ZNF713: variants seen among roughly 807,000 people sequenced by gnomAD.
The protein encoded by ZNF713 is zinc finger protein 713.
ZNF713 carries 21 observed loss-of-function variants against 28.7 expected under a neutral mutation model. The ratio of observed to expected loss-of-function variants is 0.73; its 90% confidence interval spans 0.52 to 1.05. The LOEUF (loss-of-function observed/expected upper bound fraction) is 1.05, where lower values mean the gene tolerates loss of function less well. ZNF713 is among the 50% of genes least tolerant of loss of function. The pLI is 0.00. For missense variants in ZNF713, 458 were observed against 532.4 expected, an observed-to-expected ratio of 0.86 and a Z score of 1.37; for synonymous variants, 167 against 178.0, an observed-to-expected ratio of 0.94 and a Z score of 0.49.
chr7:55,923,437 C>A, intron 5 of ZNF713, 149 bp downstream of exon 5: 2 of 1,162,536 alleles, frequency 1.7e-6, no homozygotes, highest in Non-Finnish European at 2.4e-6. Flanking sequence ...TTGTTTTCTG[C>A]TCTTTCTCCT....
At chr7:55,924,734 G>C (rs1042925770) in intron 6 of ZNF713, 1 of 152,152 alleles carries the variant, frequency 6.6e-6, no homozygotes, top group Non-Finnish European at 1.5e-5. Context: ...AATTAGCCAG[G>C]CATGCTGGCA....
At chr7:55,926,564 T>C (rs1001533878) in intron 6 of ZNF713, among the ~76,000 whole-genome samples, 2 of 152,224 alleles carry the variant, frequency 1.3e-5, no homozygotes, top group Non-Finnish European at 2.9e-5. Flanking sequence ...ATAGAGCTTA[T>C]GCAGTCTAAT....
At chr7:55,904,630 T>C (rs1454990726) in intron 1 of ZNF713, among the ~76,000 whole-genome samples, 2 of 151,900 alleles carry the variant, frequency 1.3e-5, no homozygotes, top group South Asian at 2.1e-4. Flanking sequence ...AGAGAAAGTA[T>C]TGACAATTTT....
intron 4 of ZNF713, among the ~76,000 whole-genome samples, chr7:55,917,692 G>A (rs1355651278): frequency 6.8e-6 from 1 of 146,826 alleles, no homozygotes; most frequent in African/African-American, 2.6e-5. Context: ...GTGACAGAGT[G>A]AGACCCTGTC....
In ZNF713 at chr7:55,888,868, C is replaced by G. The variant is rs573717958; in HGVS notation, c.-583+1188C>G. ...TTCGAGACCAGCCTGGGAAACATGG[C>G]AAGACCCTGTTGCTACAAAAAAAAC... is the stretch of plus-strand genomic sequence containing the variant. On this transcript the variant is annotated intron_variant, in intron 1 of 6. Coordinates refer to ENST00000429591, the MANE Select transcript of ZNF713 (RefSeq NM_182633.3). Among the ~76,000 whole-genome samples, 4 of 151,828 alleles carry G rather than the reference C, an allele frequency of 2.6e-5. No individual in the cohort carries two copies. The East Asian group carries it at 7.8e-4, about 30-fold the overall frequency.
At chr7:55,914,428 C>G (rs775541240) in intron 4 of ZNF713, among the ~76,000 whole-genome samples, 1 of 152,166 alleles carries the variant, frequency 6.6e-6, no homozygotes, top group Non-Finnish European at 1.5e-5. Context: ...CTCCTGGGCT[C>G]AAGCCATCCT....
At chr7:55,889,455 T>TA (rs200710195) in intron 1 of ZNF713, among the ~76,000 whole-genome samples, 15 of 151,978 alleles carry the variant, frequency 9.9e-5, no homozygotes, top group Admixed American at 5.3e-4. Context: ...CAGAAAAGTT[T>TA]AAAAAAAAAT....
intron 1 of ZNF713, among the ~76,000 whole-genome samples, chr7:55,892,327 A>AT: frequency 6.7e-6 from 1 of 149,012 alleles, no homozygotes; most frequent in South Asian, 2.1e-4. Flanking sequence ...CGTGTGAGAG[A>AT]TTTGTGTTCG....
rs942905940 is a variant in ZNF713 at position 55,940,433 on chromosome 7, C to A, written c.*427C>A. 2.6e-5 allele frequency: 26 copies of A among 987,892 alleles called. No homozygotes were observed. The South Asian group carries it at 4.7e-4, about 18-fold the overall frequency. The allele number at this position is 987,892 out of a possible 1,614,324, so 61.2% of individuals were successfully genotyped here. ...GCCACTGCGCCTGGCCATAAACTTT[C>A]AATGCGTAGAAACCAAATTAATTTA... On this transcript the variant is annotated 3_prime_UTR_variant, in exon 7 of 7. Transcript: ENST00000429591.
intron 1 of ZNF713, among the ~76,000 whole-genome samples, chr7:55,890,167 A>C (rs1348470744): frequency 6.6e-6 from 1 of 152,102 alleles, no homozygotes; most frequent in Non-Finnish European, 1.5e-5. Context: ...CTTTAATTAC[A>C]GGCCCGGCGC....
intron 2 of ZNF713, among the ~76,000 whole-genome samples, chr7:55,907,332 GT>G (rs1457901330): frequency 6.6e-6 from 1 of 152,156 alleles, no homozygotes; most frequent in Non-Finnish European, 1.5e-5. Flanking sequence ...CTGCCTTCCA[GT>G]TGTGCCTGCC....
chr7:55,939,667 A>G lies in ZNF713; in HGVS notation c.993A>G (p.Gln331=), dbSNP rs1584323284. The part of the protein sequence containing the change: ...KAFRQHSSFT[Q]HLRIHTGEKP... The stretch of plus-strand genomic sequence containing the variant: ...TCCGTCAGCATTCATCCTTTACTCA[A>G]CATCTGAGGATTCATACTGGAGAAA... The change falls in exon 7 of 7, where the codon CAA becomes CAG. Residue 331 remains glutamine, a synonymous_variant. Transcript: ENST00000429591. 2.5e-6 allele frequency: 4 copies of G among 1,614,232 alleles called. No homozygotes were observed. The highest frequency in any genetic ancestry group is 2.2e-5 in the East Asian group (1 of 44,882).
At chr7:55,895,192 C>G (rs1254981345) in intron 1 of ZNF713, among the ~76,000 whole-genome samples, 1 of 152,076 alleles carries the variant, frequency 6.6e-6, no homozygotes, top group Non-Finnish European at 1.5e-5. Context: ...AAAGTGAGAG[C>G]TGATGGTGGC....
In ZNF713 at chr7:55,939,149, A is replaced by G. The variant is rs760559979; in HGVS notation, c.475A>G (p.Asn159Asp). Residue 159 changes from asparagine to aspartate, a missense_variant, in exon 7 of 7, where the codon AAC becomes GAC. Physicochemically the swap from Asn to Asp is conservative, Grantham distance 23 (BLOSUM62 1). Coordinates refer to ENST00000429591, the MANE Select transcript of ZNF713 (RefSeq NM_182633.3). ...FDYHPEFNQE[N>D]HKRYLGQVTL... The stretch of plus-strand genomic sequence containing the variant: ...TTACCATCCAGAGTTTAACCAAGAA[A>G]ACCACAAGAGATATTTAGGACAAGT... The G allele has an allele frequency of 4.3e-6, 7 of 1,613,994 alleles. No homozygotes were observed. Among genetic ancestry groups the G allele is most frequent in the Non-Finnish European group, 5.1e-6 (6 of 1,180,016 alleles).
At chr7:55,928,299 C>G (rs1786141729) in intron 6 of ZNF713, among the ~76,000 whole-genome samples, 1 of 152,070 alleles carries the variant, frequency 6.6e-6, no homozygotes, top group Admixed American at 6.6e-5. Context: ...GTTTATAGGA[C>G]AGGGGTTGAG....
chr7:55,939,344 T>A lies in ZNF713; in HGVS notation c.670T>A (p.Tyr224Asn). The change falls in exon 7 of 7, where the codon TAC becomes AAC. Residue 224 changes from tyrosine (Y) to asparagine (N), a missense_variant. By Grantham distance (143) the Tyr-to-Asn change is moderately radical (BLOSUM62 -2). Coordinates refer to ENST00000429591, the MANE Select transcript of ZNF713 (RefSeq NM_182633.3). ...CATCAAACATAATTCAGACTTGATT[T>A]ACTATCAGGGAAATTATGTAAGAGA... ...NSIKHNSDLI[Y>N]YQGNYVRETP... 6.2e-7 allele frequency: 1 copy of A among 1,614,082 alleles called. No homozygotes were observed. The highest frequency in any genetic ancestry group is 8.5e-7 in the Non-Finnish European group (1 of 1,180,014).
intron 1 of ZNF713, among the ~76,000 whole-genome samples, chr7:55,899,932 C>T (rs1785542957): frequency 1.3e-5 from 2 of 151,824 alleles, no homozygotes; most frequent in South Asian, 2.1e-4. Context: ...ATAATAGAGA[C>T]AGGGCTTCAC....
At position 55,904,082 on chromosome 7, in the gene ZNF713, G is replaced by GCCAGACTGTATCTTTAAAAAAAAAAAA; in HGVS notation, c.-582-2171_-582-2170insCCAGACTGTATCTTTAAAAAAAAAAAA. Among the ~76,000 whole-genome samples the GCCAGACTGTATCTTTAAAAAAAAAAAA allele has an allele frequency of 9.6e-4, 121 of 126,680 alleles. 5 individuals are homozygous for GCCAGACTGTATCTTTAAAAAAAAAAAA. Among genetic ancestry groups the GCCAGACTGTATCTTTAAAAAAAAAAAA allele is most frequent in the South Asian group, 1.6e-3 (7 of 4,336 alleles). 83.1% of individuals were successfully genotyped at this position (126,680 alleles called of 152,430 possible). ...ATAAAAGGCAGGCAAAGGAAAAAGA[G>GCCAGACTGTATCTTTAAAAAAAAAAAA]ACTAGATCACAGCTCCCTGAGAGAG... On this transcript the variant is annotated intron_variant, in intron 1 of 6. Transcript: ENST00000429591.
chr7:55,917,279 C>G (rs1052640045), intron 4 of ZNF713, among the ~76,000 whole-genome samples: 1 of 148,376 alleles, frequency 6.7e-6, no homozygotes, highest in African/African-American at 2.5e-5. Flanking sequence ...AAACAACAAA[C>G]TATAAGCAAA....
Sources: gnomAD v4.1 joint callset for allele counts (sites outside exome capture counted in the v4.1 genomes callset) on GRCh38, gnomAD v4.1.1 for gene constraint, MANE v1.5 for transcripts, NCBI Gene and HGNC (gene_info 2026-07-23, HGNC 2026-07-21) for gene names.